Variants in YIPF7 observed in about 807,000 individuals in gnomAD.
YIPF7 encodes the protein protein YIPF7.
Under a neutral mutation model 27.2 loss-of-function variants are expected in YIPF7, and 35 were observed. The ratio of observed to expected loss-of-function variants is 1.29; its 90% confidence interval spans 0.98 to 1.70. The LOEUF is 1.70. YIPF7 is among the 40% of genes most tolerant of loss of function. YIPF7 has a pLI of 0.00. For synonymous variants in YIPF7, 137 were observed against 110.4 expected, an observed-to-expected ratio of 1.24 and a Z score of -1.51; for missense variants, 358 against 303.7, an observed-to-expected ratio of 1.18 and a Z score of -1.33.
At chr4:44,647,757 C>T (rs1301462508) in intron 2 of YIPF7, among the ~76,000 whole-genome samples, 2 of 152,092 alleles carry the variant, frequency 1.3e-5, no homozygotes, top group African/African-American at 2.4e-5. Flanking sequence ...TATTTGCTTA[C>T]ACCTGTAGGA....
chr4:44,631,064 G>A (rs1712878399), intron 3 of YIPF7, among the ~76,000 whole-genome samples: 3 of 152,142 alleles, frequency 2.0e-5, no homozygotes, highest in African/African-American at 7.2e-5. Context: ...CAATCAATCA[G>A]TTACTATTAT....
rs539556607 is a variant in YIPF7, at chr4:44,635,806, G to A, written c.280+116C>T. ...TTGGTTCAGCAAACTCTTGTTATAT[G>A]TGAAACAATCAAACATAAGACACTG... On this transcript the variant is annotated intron_variant, in intron 3 of 5. Coordinates refer to ENST00000415895, the MANE Select transcript of YIPF7 (RefSeq NM_182592.3). The A allele has an allele frequency of 4.8e-4, 578 of 1,215,954 alleles. 1 individual carries two copies. Among genetic ancestry groups the A allele is most frequent in the South Asian group, 1.8e-3 (98 of 55,702 alleles). The allele number at this position is 1,215,954 out of a possible 1,614,324, so 75.3% of individuals were successfully genotyped here.
chr4:44,635,863 C>T (rs1362459027), intron 3 of YIPF7, 59 bp downstream of exon 3: 14 of 1,566,490 alleles, frequency 8.9e-6, no homozygotes, highest in Non-Finnish European at 9.6e-6. Flanking sequence ...ACATTAAGTG[C>T]TAATTATTGC....
chr4:44,634,325 G>A (rs1470938360), intron 3 of YIPF7, among the ~76,000 whole-genome samples: 1 of 152,170 alleles, frequency 6.6e-6, no homozygotes, highest in African/African-American at 2.4e-5. Flanking sequence ...CCAAAGTCAG[G>A]AGGTCGAGAC....
intron 2 of YIPF7, among the ~76,000 whole-genome samples, chr4:44,636,798 T>C (rs1713138210): frequency 6.6e-6 from 1 of 152,180 alleles, no homozygotes; most frequent in Non-Finnish European, 1.5e-5. Flanking sequence ...TATAAAATTT[T>C]GTTACATGCA....
intron 2 of YIPF7, 139 bp downstream of exon 2, chr4:44,649,846 T>C: frequency 1.8e-6 from 1 of 561,372 alleles, no homozygotes; most frequent in Non-Finnish European, 3.1e-6. Flanking sequence ...GGATTTTTTT[T>C]GTGGGTCTAG....
intron 2 of YIPF7, among the ~76,000 whole-genome samples, chr4:44,642,975 G>T (rs1367099625): frequency 6.6e-6 from 1 of 152,112 alleles, no homozygotes; most frequent in South Asian, 2.1e-4. Context: ...ACTGAGGAGT[G>T]GGGGCATTGC....
intron 1 of YIPF7, among the ~76,000 whole-genome samples, chr4:44,650,915 T>A (rs563648689): frequency 6.6e-6 from 1 of 151,510 alleles, no homozygotes; most frequent in South Asian, 2.2e-4. Flanking sequence ...GCTCTTTGGA[T>A]AAAAAGTAGA....
intron 1 of YIPF7, among the ~76,000 whole-genome samples, chr4:44,661,960 G>A (rs1459960565): frequency 1.3e-5 from 2 of 152,194 alleles, no homozygotes; most frequent in Non-Finnish European, 2.9e-5. Context: ...CAGAGGTACT[G>A]TCAGCCTTTT....
At position 44,622,593 on chromosome 4, in the gene YIPF7, G is replaced by A. The variant is rs369548094; in HGVS notation, c.609-17C>T. 9.3e-6 allele frequency: 15 copies of A among 1,611,304 alleles called. No individual in the cohort carries two copies. The highest frequency in any genetic ancestry group is 1.3e-5 in the African/African-American group (1 of 74,856). ...AAGATGCCCCTGCAGCAAAGACAAAGAAATGATTGCCTGTGCCAGTAGAAA... is the reference window on the plus strand; with the variant it reads ...AAGATGCCCCTGCAGCAAAGACAAAAAAATGATTGCCTGTGCCAGTAGAAA... On this transcript the variant is annotated splice_polypyrimidine_tract_variant and intron_variant, in intron 5 of 5. Transcript: ENST00000415895.
At chr4:44,646,704 G>A (rs962562681) in intron 2 of YIPF7, among the ~76,000 whole-genome samples, 13 of 152,004 alleles carry the variant, frequency 8.6e-5, no homozygotes, top group Middle Eastern at 3.2e-3. Context: ...TATCTTCACC[G>A]TCTTAGTGAG....
rs377200127 is a variant in YIPF7, at chr4:44,650,115, G to C, written c.-1-14C>G. On this transcript the variant is annotated splice_polypyrimidine_tract_variant and intron_variant, in intron 1 of 5. Transcript: ENST00000415895. ...AAGTTTGACATCCTGAAAAATAAGA[G>C]TATGTTTTTAATAAGTTCATGAGTC... 5,170 of 1,445,290 alleles carry C rather than the reference G, an allele frequency of 3.6e-3. 13 individuals carry two copies. Among genetic ancestry groups the C allele is most frequent in the Non-Finnish European group, 4.3e-3 (4,544 of 1,049,358 alleles). The allele number at this position is 1,445,290 out of a possible 1,614,324, so 89.5% of individuals were successfully genotyped here.
chr4:44,624,464 A>G (rs905518725), intron 5 of YIPF7, 137 bp downstream of exon 5: 16 of 980,816 alleles, frequency 1.6e-5, no homozygotes, highest in East Asian at 5.7e-5. Context: ...TTCTTAATCT[A>G]TGAGTAGCTT....
intron 3 of YIPF7, among the ~76,000 whole-genome samples, chr4:44,634,263 T>C (rs1713026662): frequency 6.6e-6 from 1 of 152,244 alleles, no homozygotes; most frequent in Non-Finnish European, 1.5e-5. Flanking sequence ...CTGGGCACAG[T>C]GGCTCATGCC....
intron 3 of YIPF7, among the ~76,000 whole-genome samples, chr4:44,631,037 T>C (rs769516252): frequency 2.9e-4 from 44 of 152,192 alleles, no homozygotes; most frequent in Non-Finnish European, 5.6e-4. Flanking sequence ...TTTACATACA[T>C]CGGTCTTATA....
At chr4:44,638,174 A>C (rs960544476) in intron 2 of YIPF7, among the ~76,000 whole-genome samples, 16 of 147,840 alleles carry the variant, frequency 1.1e-4, no homozygotes, top group African/African-American at 3.8e-4. Flanking sequence ...TTTCAATGGG[A>C]TTGTTTCAGG....
At chr4:44,635,316 T>C (rs973994056) in intron 3 of YIPF7, among the ~76,000 whole-genome samples, 40 of 151,992 alleles carry the variant, frequency 2.6e-4, no homozygotes, top group Admixed American at 2.1e-3. Flanking sequence ...ATGGAACAAC[T>C]CCGAAATCCC....
intron 5 of YIPF7, among the ~76,000 whole-genome samples, chr4:44,623,619 A>G (rs1435487062): frequency 2.6e-5 from 4 of 152,242 alleles, no homozygotes; most frequent in African/African-American, 9.6e-5. Flanking sequence ...TTAATAAAAC[A>G]AACATATTTT....
intron 1 of YIPF7, among the ~76,000 whole-genome samples, chr4:44,662,099 G>A (rs1287980292): frequency 6.6e-6 from 1 of 152,186 alleles, no homozygotes. Flanking sequence ...CTGTACAGCA[G>A]TACCCCTCAT....
Sources: gnomAD v4.1 joint callset for allele counts (sites outside exome capture counted in the v4.1 genomes callset) on GRCh38, gnomAD v4.1.1 for gene constraint, MANE v1.5 for transcripts, NCBI Gene and HGNC (gene_info 2026-07-23, HGNC 2026-07-21) for gene names.